KIAA0586: variants seen among roughly 807,000 people sequenced by gnomAD.
KIAA0586 encodes protein TALPID3.
A neutral mutation model predicts 169.8 loss-of-function variants in KIAA0586; 144 were observed. That is an observed-to-expected ratio of 0.85 (90% confidence interval 0.74 to 0.97). The LOEUF (loss-of-function observed/expected upper bound fraction) is 0.97. Ranked by LOEUF, KIAA0586 falls within the 50% of genes least tolerant of loss-of-function variation. The probability of loss-of-function intolerance (pLI) is 0.00; values close to 1 mark genes in which losing one functional copy is unlikely to be tolerated. For missense variants in KIAA0586, 1,854 were observed against 1,823.0 expected (o/e 1.02, Z -0.31); for synonymous variants, 625 against 612.4 (o/e 1.02, Z -0.30).
In KIAA0586 at chr14:58,492,421, C is replaced by T. The variant is rs893518564; in HGVS notation, c.3990+146C>T. 8.0e-6 allele frequency: 5 copies of T among 624,032 alleles called. No individual in the cohort carries two copies. The African/African-American group carries it at 9.3e-5, about 12-fold the overall frequency. The allele number at this position is 624,032 out of a possible 1,614,324, so 38.7% of individuals were successfully genotyped here. ...GCAACTTTAACTTGGAATCATGGAA[C>T]TGTAGAGTTTTATAACAGAAAGGAA... On this transcript the variant is annotated intron_variant, in intron 26 of 30. Transcript: ENST00000652326.
chr14:58,538,488 T>C (rs1186943589), intron 29 of KIAA0586, among the ~76,000 whole-genome samples: 10 of 152,132 alleles, frequency 6.6e-5, no homozygotes. Context: ...ATTTACGGGT[T>C]ACATGAGATA....
At position 58,525,192 on chromosome 14, in the gene KIAA0586, A is replaced by C. The variant is rs750118260; in HGVS notation, c.4429+12565A>C. The stretch of plus-strand genomic sequence containing the variant: ...CAATATAGTGTTAGGGAGATAAATT[A>C]AGTTTCAACAAAATTGTTTCTCTTC... On this transcript the variant is annotated intron_variant, in intron 29 of 30. Transcript: ENST00000652326. Among the ~76,000 whole-genome samples, 3 of 152,042 alleles carry C rather than the reference A, an allele frequency of 2.0e-5. 1 individual carries two copies. The highest frequency in any genetic ancestry group is 4.4e-5 in the Non-Finnish European group (3 of 68,008).
Position 58,487,924 on chromosome 14 carries a change from A to G in KIAA0586, c.3342A>G (p.Pro1114=), listed in dbSNP as rs770435185. 16 of 1,613,494 alleles carry G rather than the reference A, an allele frequency of 9.9e-6. No homozygotes were observed. In the South Asian group the frequency reaches 1.3e-4, roughly 13 times the overall value. ...DMPAIMLVNT[P]TVTPTTTPPP... Reference sequence around the variant, plus strand: ...CTGCCATCATGCTTGTTAATACTCCAACAGTTACCCCTACTACTACACCTC... The same window carrying G: ...CTGCCATCATGCTTGTTAATACTCCGACAGTTACCCCTACTACTACACCTC... The change falls in exon 23 of 31, where the codon CCA becomes CCG. Residue 1114 remains proline (P), a synonymous_variant. Transcript: ENST00000652326.
intron 21 of KIAA0586, among the ~76,000 whole-genome samples, chr14:58,485,611 A>G (rs1364229793): frequency 6.6e-6 from 1 of 152,212 alleles, no homozygotes; most frequent in African/African-American, 2.4e-5. Context: ...ACTCTGAGGA[A>G]GGGCTCTAGG....
In KIAA0586 at chr14:58,488,744, G is replaced by A. The variant is rs1489789614; in HGVS notation, c.3651G>A (p.Gln1217=). ...GCACCAAGGCCCCTTCCCCCTCACA[G>A]ATGCCAGGTTCTGATTCATCAACAC... ...PAGTKAPSPS[Q]MPGSDSSTLE... The change falls in exon 24 of 31, where the codon CAG becomes CAA. Residue 1217 remains glutamine, a synonymous_variant. Coordinates refer to ENST00000652326, the MANE Select transcript of KIAA0586 (RefSeq NM_001329943.3). 1 of 1,613,838 alleles carries A rather than the reference G, an allele frequency of 6.2e-7. No individual in the cohort carries two copies. Among genetic ancestry groups the A allele is most frequent in the East Asian group, 2.2e-5 (1 of 44,844 alleles).
downstream of KIAA0586, among the ~76,000 whole-genome samples, chr14:58,555,163 C>T (rs1164550402): frequency 2.1e-5 from 3 of 139,856 alleles, no homozygotes; most frequent in Admixed American, 1.5e-4. Context: ...TGCAGTGGCA[C>T]AATCTCGGCT....
At chr14:58,526,925 T>C (rs1472859513) in intron 29 of KIAA0586, among the ~76,000 whole-genome samples, 1 of 151,550 alleles carries the variant, frequency 6.6e-6, no homozygotes, top group Non-Finnish European at 1.5e-5. Flanking sequence ...TTTAATTCCT[T>C]CCCCCATAAT....
chr14:58,557,376 A>G, the KIAA0586 span, among the ~76,000 whole-genome samples: 2 of 152,178 alleles, frequency 1.3e-5, no homozygotes, highest in Admixed American at 1.3e-4. Flanking sequence ...TGGACAGTGG[A>G]AGGATTTCAT....
At chr14:58,427,419 G>T (rs1011591692), upstream of KIAA0586, 3 of 599,494 alleles carry the variant, frequency 5.0e-6, no homozygotes, top group Admixed American at 3.1e-5. Context: ...ACGGTCTTCG[G>T]AAGCGAAGCA....
At chr14:58,527,308 C>T (rs2045655713) in intron 29 of KIAA0586, among the ~76,000 whole-genome samples, 2 of 152,128 alleles carry the variant, frequency 1.3e-5, no homozygotes, top group African/African-American at 2.4e-5. Context: ...AGAACTTCCC[C>T]AACCTAGCAA....
chr14:58,521,921 A>G, intron 29 of KIAA0586: 2 of 1,385,030 alleles, frequency 1.4e-6, no homozygotes, highest in South Asian at 2.3e-5. Context: ...GAGTTGATCA[A>G]GGATGATGAA....
At chr14:58,495,524 C>G (rs2043109191) in intron 26 of KIAA0586, among the ~76,000 whole-genome samples, 1 of 152,070 alleles carries the variant, frequency 6.6e-6, no homozygotes, top group Non-Finnish European at 1.5e-5. Flanking sequence ...TCTCCAACTT[C>G]TGACCGCAAG....
chr14:58,542,132 C>A (rs903807592), intron 30 of KIAA0586, among the ~76,000 whole-genome samples: 4 of 151,912 alleles, frequency 2.6e-5, no homozygotes, highest in African/African-American at 9.7e-5. Context: ...CTAAAGAGTT[C>A]TCTTACAAAG....
rs1021153573 is a variant in KIAA0586 at position 58,540,106 on chromosome 14, C to T, written c.4465C>T (p.Leu1489Phe). Residue 1489 changes from leucine to phenylalanine, a missense_variant, in exon 30 of 31, where the codon CTT becomes TTT. Physicochemically the swap from Leu to Phe is conservative, Grantham distance 22. Transcript: ENST00000652326. ...PGDMDRTQIE[L>F]NPYLTCVFSG... ...TGATATGGATCGGACACAAATTGAGCTTAATCCGTACCTCACATGTGTATT... is the reference window on the plus strand; with the variant it reads ...TGATATGGATCGGACACAAATTGAGTTTAATCCGTACCTCACATGTGTATT... 2 of 1,562,078 alleles carry T rather than the reference C, an allele frequency of 1.3e-6. No individual in the cohort carries two copies. The highest frequency in any genetic ancestry group is 1.2e-5 in the South Asian group (1 of 84,786).
chr14:58,427,903 C>CT lies in KIAA0586; in HGVS notation c.-361dup. 1 of 1,359,940 alleles carries CT rather than the reference C, an allele frequency of 7.4e-7. No individual in the cohort carries two copies. The highest frequency in any genetic ancestry group is 9.6e-7 in the Non-Finnish European group (1 of 1,037,104). The allele number at this position is 1,359,940 out of a possible 1,614,324, so 84.2% of individuals were successfully genotyped here. On this transcript the variant is annotated 5_prime_UTR_variant, in exon 1 of 31. An upstream open reading frame in the 5' UTR gains an earlier in-frame stop. Coordinates refer to ENST00000652326, the MANE Select transcript of KIAA0586 (RefSeq NM_001329943.3). ...TAGCATTTCGCTTTTATTTGCTTGACTGCCTCTTCTCAACAAATTTTAAGC... is the reference window on the plus strand; with the variant it reads ...TAGCATTTCGCTTTTATTTGCTTGACTTGCCTCTTCTCAACAAATTTTAAGC...
rs1241244120 is a variant in KIAA0586 at position 58,428,385 on chromosome 14, C to T, written c.121C>T (p.Pro41Ser). ...DHLVLLKDEL[P>S]CVPPALSANK... Reference sequence around the variant, plus strand: ...TTTGGTTTTGCTGAAAGATGAGTTGCCCTGTGTTCCTCCGGCATTGTCTGC... The same window carrying T: ...TTTGGTTTTGCTGAAAGATGAGTTGTCCTGTGTTCCTCCGGCATTGTCTGC... The change falls in exon 1 of 31, where the codon CCC (proline) becomes TCC (serine). Residue 41 changes from proline (P) to serine (S), a missense_variant. Transcript: ENST00000652326. The T allele has an allele frequency of 6.2e-7, 1 of 1,613,932 alleles. No individual in the cohort carries two copies. The highest frequency in any genetic ancestry group is 1.1e-5 in the South Asian group (1 of 91,080).
At position 58,461,173 on chromosome 14, in the gene KIAA0586, A is replaced by G; in HGVS notation, c.2059+13A>G. On this transcript the variant is annotated intron_variant, in intron 14 of 30. Coordinates refer to ENST00000652326, the MANE Select transcript of KIAA0586 (RefSeq NM_001329943.3). ...GAACGAGTTAAAGGTAAGGAATCTC[A>G]TTTTTAATGTTTAATCTCATTTCTT... is the stretch of plus-strand genomic sequence containing the variant. 1 of 1,512,486 alleles carries G rather than the reference A, an allele frequency of 6.6e-7. No individual in the cohort carries two copies. The highest frequency in any genetic ancestry group is 8.9e-7 in the Non-Finnish European group (1 of 1,126,570). The allele number at this position is 1,512,486 out of a possible 1,614,324, so 93.7% of individuals were successfully genotyped here. A position where few individuals can be genotyped will look rare whatever the true frequency, so the allele number is the denominator to read the frequency against.
At chr14:58,530,437 A>G (rs2045885492) in intron 29 of KIAA0586, among the ~76,000 whole-genome samples, 1 of 152,230 alleles carries the variant, frequency 6.6e-6, no homozygotes, top group South Asian at 2.1e-4. Flanking sequence ...CCTGACTTCA[A>G]ACTATATTAC....
intron 30 of KIAA0586, among the ~76,000 whole-genome samples, chr14:58,546,053 TAC>T (rs1447629861): frequency 2.6e-5 from 4 of 152,096 alleles, no homozygotes; most frequent in Non-Finnish European, 5.9e-5. Context: ...ATTTAAAAAA[TAC>T]AGTCTTTAGT....
Sources: gnomAD v4.1 joint callset for allele counts (sites outside exome capture counted in the v4.1 genomes callset) on GRCh38, gnomAD v4.1.1 for gene constraint, MANE v1.5 for transcripts, NCBI Gene and HGNC (gene_info 2026-07-23, HGNC 2026-07-21) for gene names.